The following SLC35F3 variants were observed in gnomAD, a reference collection of about 807,000 sequenced individuals.
SLC35F3 encodes solute carrier family 35 member F3, also known as putative thiamine transporter SLC35F3.
Under a neutral mutation model 49.9 loss-of-function variants are expected in SLC35F3, and 25 were observed. The observed-to-expected ratio is 0.50, with a 90% CI of 0.37 to 0.70. SLC35F3 has a LOEUF of 0.70. Among genes scored for constraint, SLC35F3 ranks in the 30% least tolerant of loss-of-function variants. The probability of loss-of-function intolerance (pLI) is 0.00; values close to 1 mark genes in which losing one functional copy is unlikely to be tolerated. For synonymous variants in SLC35F3, 275 were observed against 265.4 expected (o/e 1.04, Z -0.35); for missense variants, 525 against 639.8 (o/e 0.82, Z 1.94).
At chr1:234,225,687 C>T (rs536441585) in intron 2 of SLC35F3, among the ~76,000 whole-genome samples, 105 of 152,254 alleles carry the variant, frequency 6.9e-4, no homozygotes, top group African/African-American at 2.2e-3. Context: ...AACTAGTCCA[C>T]CCAAGAGAAA....
intron 3 of SLC35F3, among the ~76,000 whole-genome samples, chr1:234,241,428 G>A (rs1441072767): frequency 2.6e-5 from 4 of 152,014 alleles, no homozygotes; most frequent in South Asian, 4.2e-4. Context: ...TGCAGCTTCC[G>A]TTTTCTCATA....
chr1:234,095,540 T>C (rs1398356253), intron 2 of SLC35F3, among the ~76,000 whole-genome samples: 2 of 152,244 alleles, frequency 1.3e-5, no homozygotes, highest in East Asian at 3.8e-4. Flanking sequence ...TGTTTGTAAG[T>C]TCAATGCTCG....
intron 2 of SLC35F3, among the ~76,000 whole-genome samples, chr1:233,924,498 TATC>T (rs1429697649): frequency 6.6e-6 from 1 of 152,252 alleles, no homozygotes; most frequent in African/African-American, 2.4e-5. Context: ...ATATCTGCCT[TATC>T]ATTTTTTATT....
At chr1:234,105,968 T>C (rs1665279260) in intron 2 of SLC35F3, among the ~76,000 whole-genome samples, 1 of 152,174 alleles carries the variant, frequency 6.6e-6, no homozygotes, top group African/African-American at 2.4e-5. Context: ...TGTTCTATTA[T>C]TCCGGATGTC....
intron 2 of SLC35F3, among the ~76,000 whole-genome samples, chr1:234,086,864 C>A (rs1378045274): frequency 1.3e-5 from 2 of 152,198 alleles, no homozygotes; most frequent in Non-Finnish European, 2.9e-5. Context: ...GCTGTGTCCA[C>A]AGAGCAGCAA....
At chr1:233,935,723 C>T (rs940666891) in intron 2 of SLC35F3, among the ~76,000 whole-genome samples, 2 of 152,172 alleles carry the variant, frequency 1.3e-5, no homozygotes, top group Non-Finnish European at 2.9e-5. Flanking sequence ...TTAGTGGAGG[C>T]TCAGGGGTAA....
At chr1:234,269,596 A>G (rs1668065600) in intron 3 of SLC35F3, among the ~76,000 whole-genome samples, 1 of 149,666 alleles carries the variant, frequency 6.7e-6, no homozygotes, top group Non-Finnish European at 1.5e-5. Flanking sequence ...TCTAAGTGCC[A>G]TAGTTTGGAT....
intron 2 of SLC35F3, among the ~76,000 whole-genome samples, chr1:233,996,136 C>G (rs4920164): frequency 0.28 from 41,903 of 151,878 alleles, 6,023 homozygotes; most frequent in East Asian, 0.49. Context: ...TTCAACCAAT[C>G]AAGAATTGAA....
intron 2 of SLC35F3, among the ~76,000 whole-genome samples, chr1:234,018,200 A>C (rs1243174838): frequency 6.6e-6 from 1 of 152,254 alleles, no homozygotes; most frequent in Non-Finnish European, 1.5e-5. Context: ...TTTAGCAAGT[A>C]GGTGAACTTG....
Position 234,183,437 on chromosome 1 carries a change from C to T in SLC35F3, c.284-47980C>T, listed in dbSNP as rs114321989. On this transcript the variant is annotated intron_variant, in intron 2 of 7. Coordinates refer to ENST00000366618, the MANE Select transcript of SLC35F3 (RefSeq NM_173508.4). ...AGAAAATGCATATGGTTGTTTTTTA[C>T]GTATGTAAATATTTCAGAGTGATGT... Among the ~76,000 whole-genome samples the T allele has an allele frequency of 5.4e-3, 774 of 142,782 alleles. 37 individuals carry two copies. Among genetic ancestry groups the T allele is most frequent in the African/African-American group, 0.018 (734 of 41,200 alleles). 93.7% of individuals were successfully genotyped at this position (142,782 alleles called of 152,430 possible). A position where few individuals can be genotyped will look rare whatever the true frequency, so the allele number is the denominator to read the frequency against.
At chr1:233,945,565 A>G (rs1028169329) in intron 2 of SLC35F3, among the ~76,000 whole-genome samples, 2 of 152,228 alleles carry the variant, frequency 1.3e-5, no homozygotes, top group African/African-American at 4.8e-5. Context: ...TTCAGGTCAC[A>G]TATCTCAGGG....
chr1:234,278,755 C>G (rs1668255896), intron 3 of SLC35F3, among the ~76,000 whole-genome samples: 3 of 151,950 alleles, frequency 2.0e-5, no homozygotes, highest in Non-Finnish European at 4.4e-5. Flanking sequence ...GAGCTGTCTT[C>G]TTGTTGTACC....
At position 234,206,238 on chromosome 1, in the gene SLC35F3, TG is replaced by T. The variant is rs745545210; in HGVS notation, c.284-25176del. Among the ~76,000 whole-genome samples, 25 of 152,090 alleles carry T rather than the reference TG, an allele frequency of 1.6e-4. No individual in the cohort carries two copies. The South Asian group carries it at 1.7e-3, about 10-fold the overall frequency. On this transcript the variant is annotated intron_variant, in intron 2 of 7. Transcript: ENST00000366618. ...TATATGATGAGTGGAGCAGCAGAGCTGGGTCAGGCTGGGTCAGGCATTAAGA... is the reference window on the plus strand; with the variant it reads ...TATATGATGAGTGGAGCAGCAGAGCTGGTCAGGCTGGGTCAGGCATTAAGA...
intron 4 of SLC35F3, among the ~76,000 whole-genome samples, chr1:234,314,206 G>A (rs113357838): frequency 6.6e-6 from 1 of 152,210 alleles, no homozygotes; most frequent in African/African-American, 2.4e-5. Context: ...AGGCTCCTCT[G>A]ATGTTTATCT....
At chr1:234,059,280 C>T (rs1664502560) in intron 2 of SLC35F3, among the ~76,000 whole-genome samples, 1 of 151,394 alleles carries the variant, frequency 6.6e-6, no homozygotes, top group Non-Finnish European at 1.5e-5. Flanking sequence ...TATGTGTCTT[C>T]TTTCTTAATA....
At chr1:233,987,596 A>G (rs993026991) in intron 2 of SLC35F3, among the ~76,000 whole-genome samples, 2 of 151,930 alleles carry the variant, frequency 1.3e-5, no homozygotes, top group Non-Finnish European at 2.9e-5. Flanking sequence ...CAATAATATG[A>G]CTTGACCTTG....
At chr1:234,107,962 A>G (rs1212971086) in intron 2 of SLC35F3, among the ~76,000 whole-genome samples, 1 of 151,876 alleles carries the variant, frequency 6.6e-6, no homozygotes, top group Non-Finnish European at 1.5e-5. Context: ...AGCCTCACAG[A>G]ACTATTAGCA....
At chr1:233,955,458 T>A (rs1346134689) in intron 2 of SLC35F3, among the ~76,000 whole-genome samples, 1 of 152,198 alleles carries the variant, frequency 6.6e-6, no homozygotes, top group Non-Finnish European at 1.5e-5. Flanking sequence ...TGATTCATCC[T>A]CCTACAACCT....
intron 2 of SLC35F3, among the ~76,000 whole-genome samples, chr1:233,996,141 A>G (rs1663456129): frequency 6.6e-6 from 1 of 152,204 alleles, no homozygotes; most frequent in African/African-American, 2.4e-5. Context: ...CCAATCAAGA[A>G]TTGAAAATAT....
Sources: gnomAD v4.1 joint callset for allele counts (sites outside exome capture counted in the v4.1 genomes callset) on GRCh38, gnomAD v4.1.1 for gene constraint, MANE v1.5 for transcripts, NCBI Gene and HGNC (gene_info 2026-07-23, HGNC 2026-07-21) for gene names.